The following CDH18 variants were observed in gnomAD, a reference collection of about 807,000 sequenced individuals.
CDH18 encodes cadherin 18.
A neutral mutation model predicts 67.9 loss-of-function variants in CDH18; 31 were observed. That is an observed-to-expected ratio of 0.46 (90% CI 0.34 to 0.62). CDH18 has a LOEUF of 0.62. CDH18 is among the 20% of genes least tolerant of loss of function. CDH18 has a pLI of 0.01. For missense variants in CDH18, 890 were observed against 975.5 expected (o/e 0.91, Z 1.17); for synonymous variants, 362 against 347.2 (o/e 1.04, Z -0.48).
chr5:19,918,300 C>T (rs879503485), intron 2 of CDH18, among the ~76,000 whole-genome samples: 2 of 152,154 alleles, frequency 1.3e-5, no homozygotes, highest in Admixed American at 6.6e-5. Flanking sequence ...TGTGAACACA[C>T]ATTTATCTTA....
At chr5:19,646,502 G>A (rs575764604) in intron 5 of CDH18, among the ~76,000 whole-genome samples, 17 of 151,940 alleles carry the variant, frequency 1.1e-4, no homozygotes, top group Non-Finnish European at 1.5e-4. Context: ...ACCATGCCCA[G>A]CTAATTTTTG....
At chr5:19,646,739 C>A (rs1255961834) in intron 5 of CDH18, among the ~76,000 whole-genome samples, 1 of 152,114 alleles carries the variant, frequency 6.6e-6, no homozygotes, top group East Asian at 1.9e-4. Context: ...CTGAAGTTTT[C>A]TTCTGGAGAA....
chr5:19,521,108 T>C (rs996040644), intron 9 of CDH18, among the ~76,000 whole-genome samples: 3 of 152,200 alleles, frequency 2.0e-5, no homozygotes, highest in Admixed American at 6.6e-5. Flanking sequence ...GGTTTCATCA[T>C]TAATCTAAGA....
intron 2 of CDH18, among the ~76,000 whole-genome samples, chr5:20,166,630 A>G (rs1307337574): frequency 6.6e-6 from 1 of 152,118 alleles, no homozygotes; most frequent in African/African-American, 2.4e-5. Flanking sequence ...CTGAATGATT[A>G]GGTCTGGGAT....
chr5:20,152,017 A>G (rs1019516945), intron 2 of CDH18, among the ~76,000 whole-genome samples: 4 of 150,330 alleles, frequency 2.7e-5, no homozygotes, highest in African/African-American at 9.7e-5. Context: ...TAGAAGTTCA[A>G]TGAAATTATA....
intron 5 of CDH18, among the ~76,000 whole-genome samples, chr5:19,714,269 G>C (rs888604629): frequency 2.0e-5 from 2 of 102,178 alleles, no homozygotes; most frequent in Non-Finnish European, 5.2e-5. Context: ...CAGGGAAGTT[G>C]GAAAAATCTA....
At chr5:19,769,339 A>T (rs1333896761) in intron 3 of CDH18, among the ~76,000 whole-genome samples, 1 of 152,128 alleles carries the variant, frequency 6.6e-6, no homozygotes, top group Non-Finnish European at 1.5e-5. Flanking sequence ...CCTGCAAGAC[A>T]TTGAACAGCT....
At chr5:20,234,266 T>C (rs561704086) in intron 2 of CDH18, among the ~76,000 whole-genome samples, 3 of 152,292 alleles carry the variant, frequency 2.0e-5, no homozygotes, top group South Asian at 2.1e-4. Flanking sequence ...TTCTCTTGAA[T>C]ATTTCTTCAG....
chr5:20,300,427 T>C (rs1747885310), intron 1 of CDH18, among the ~76,000 whole-genome samples: 1 of 152,046 alleles, frequency 6.6e-6, no homozygotes, highest in African/African-American at 2.4e-5. Context: ...GATGTACTTT[T>C]TTTTCTAGCC....
chr5:20,056,844 C>T (rs1342899796), intron 2 of CDH18, among the ~76,000 whole-genome samples: 5 of 151,580 alleles, frequency 3.3e-5, no homozygotes, highest in African/African-American at 4.8e-5. Context: ...CCACCACGCC[C>T]GGCTAATTTC....
intron 9 of CDH18, among the ~76,000 whole-genome samples, chr5:19,542,842 G>A (rs1356949083): frequency 6.6e-6 from 1 of 151,890 alleles, no homozygotes; most frequent in Non-Finnish European, 1.5e-5. Context: ...TTATGGTAAT[G>A]GATGTGTAAC....
chr5:19,560,110 T>G (rs1171125417), intron 8 of CDH18, among the ~76,000 whole-genome samples: 1 of 151,906 alleles, frequency 6.6e-6, no homozygotes, highest in Non-Finnish European at 1.5e-5. Context: ...ACAAATTCAA[T>G]GCAGTTCTTA....
At chr5:20,046,761 A>T (rs539930350) in intron 2 of CDH18, among the ~76,000 whole-genome samples, 1 of 151,642 alleles carries the variant, frequency 6.6e-6, no homozygotes, top group Admixed American at 6.6e-5. Flanking sequence ...AGTAATAATG[A>T]AGGACTGAAT....
intron 1 of CDH18, among the ~76,000 whole-genome samples, chr5:20,362,216 C>T (rs1242573699): frequency 4.6e-5 from 7 of 152,142 alleles, no homozygotes; most frequent in Non-Finnish European, 1.0e-4. Context: ...TAACTCATCA[C>T]ATTCACTATA....
intron 1 of CDH18, among the ~76,000 whole-genome samples, chr5:20,359,088 T>G (rs185226553): frequency 6.6e-6 from 1 of 152,006 alleles, no homozygotes; most frequent in Admixed American, 6.6e-5. Context: ...TGTGCCACCA[T>G]GCCTAGCTAA....
chr5:20,031,437 G>C (rs1382221316), intron 2 of CDH18, among the ~76,000 whole-genome samples: 1 of 152,048 alleles, frequency 6.6e-6, no homozygotes, highest in Admixed American at 6.6e-5. Context: ...CAAAGGCTAA[G>C]AATTCTCCAG....
At chr5:19,969,262 C>T (rs1259673121) in intron 2 of CDH18, among the ~76,000 whole-genome samples, 94 of 139,492 alleles carry the variant, frequency 6.7e-4, no homozygotes, top group African/African-American at 2.6e-3. Context: ...TAAACGAGTT[C>T]AACCATTGTG....
intron 2 of CDH18, among the ~76,000 whole-genome samples, chr5:20,042,283 C>G (rs1171940805): frequency 6.6e-6 from 1 of 152,164 alleles, no homozygotes; most frequent in Non-Finnish European, 1.5e-5. Flanking sequence ...TTTACATAAT[C>G]AAGACTGAAA....
chr5:19,960,561 A>G (rs7703796), intron 2 of CDH18, among the ~76,000 whole-genome samples: 229 of 121,526 alleles, frequency 1.9e-3, no homozygotes, highest in Middle Eastern at 0.01. Context: ...GTGTGTGTGT[A>G]TGTGTGTGTG....
Sources: allele counts gnomAD v4.1 joint callset (sites outside exome capture counted in the v4.1 genomes callset), GRCh38; gene constraint gnomAD v4.1.1; transcripts MANE v1.5; gene names NCBI Gene and HGNC (gene_info 2026-07-23, HGNC 2026-07-21).